The following RNF216 variants were observed in gnomAD, a reference collection of about 807,000 sequenced individuals.
RNF216 encodes E3 ubiquitin-protein ligase RNF216.
RNF216 carries 72 observed loss-of-function variants against 110.8 expected under a neutral mutation model. That is an observed-to-expected ratio of 0.65 (90% CI 0.54 to 0.79). The LOEUF (loss-of-function observed/expected upper bound fraction) is 0.79, where lower values mean the gene tolerates loss of function less well. Ranked by LOEUF, RNF216 falls within the 30% of genes least tolerant of loss-of-function variation. The pLI is 0.00. For synonymous variants in RNF216, 495 were observed against 407.5 expected (o/e 1.21, Z -2.59); for missense variants, 1,342 against 1,141.2 (o/e 1.18, Z -2.54).
chr7:5,714,033 C>T (rs934599977), intron 11 of RNF216, among the ~76,000 whole-genome samples: 6 of 152,190 alleles, frequency 3.9e-5, no homozygotes, highest in South Asian at 2.1e-4. Context: ...GACAGAGTCT[C>T]GCCCTGTCAC....
chr7:5,717,535 G>C (rs1584504112), intron 9 of RNF216, among the ~76,000 whole-genome samples: 2 of 152,130 alleles, frequency 1.3e-5, no homozygotes, highest in Admixed American at 1.3e-4. Context: ...ATGCAACTGG[G>C]CAGAAACAGG....
intron 1 of RNF216, among the ~76,000 whole-genome samples, chr7:5,765,952 C>CAAA (rs138328361): frequency 0.33 from 33,801 of 101,830 alleles, 6,305 homozygotes; most frequent in Non-Finnish European, 0.38. Context: ...GACTCTGTCT[C>CAAA]AAAAAAAAAA....
chr7:5,763,659 C>G (rs767769418), intron 1 of RNF216, among the ~76,000 whole-genome samples: 16 of 152,112 alleles, frequency 1.1e-4, no homozygotes, highest in Non-Finnish European at 2.1e-4. Context: ...CAGCCTTGAA[C>G]CCCTGGGCTC....
Position 5,623,042 on chromosome 7 carries a change from A to C in RNF216, c.2590T>G (p.Phe864Val). The C allele has an allele frequency of 1.2e-6, 2 of 1,613,976 alleles. No individual in the cohort carries two copies. Among genetic ancestry groups the C allele is most frequent in the Non-Finnish European group, 1.7e-6 (2 of 1,179,936 alleles). The change falls in exon 17 of 17, where the codon TTC becomes GTC. Residue 864 changes from phenylalanine to valine, a missense_variant. By Grantham distance (50) the Phe-to-Val change is conservative. Transcript: ENST00000389902. Reference sequence around the variant, plus strand: ...ACAGGCCGCACGGGAGGCAGGGGGAAGGGTGGGTGCGCGAAGGCATAGGGT... The same window carrying C: ...ACAGGCCGCACGGGAGGCAGGGGGACGGGTGGGTGCGCGAAGGCATAGGGT... ...MPPYAFAHPP[F>V]PLPPVRPVFN...
intron 7 of RNF216, among the ~76,000 whole-genome samples, chr7:5,728,573 CAA>C (rs534484429): frequency 7.8e-6 from 1 of 128,824 alleles, no homozygotes. Context: ...GACTCCGTCT[CAA>C]AAAAAAAAAG....
intron 14 of RNF216, among the ~76,000 whole-genome samples, chr7:5,648,996 T>C (rs1788219520): frequency 6.6e-6 from 1 of 152,178 alleles, no homozygotes. Context: ...TAAAGGTAAG[T>C]GCTATATAAG....
At position 5,721,027 on chromosome 7, in the gene RNF216, T is replaced by G. The variant is rs1037171224; in HGVS notation, c.1644+6A>C. The stretch of plus-strand genomic sequence containing the variant: ...CACACCCCAAGACCAGAGCACATCT[T>G]CCTACCTCTGCCATCTCTTTGATTT... On this transcript the variant is annotated splice_donor_region_variant and intron_variant, in intron 9 of 16. Coordinates refer to ENST00000389902, the MANE Select transcript of RNF216 (RefSeq NM_207111.4). The G allele has an allele frequency of 7.7e-5, 124 of 1,614,008 alleles. No individual in the cohort carries two copies. The highest frequency in any genetic ancestry group is 9.9e-5 in the Non-Finnish European group (117 of 1,179,984).
rs1163710982 is a variant in RNF216 at position 5,770,024 on chromosome 7, CAAAAAAAAAA to C, written c.-69-8896_-69-8887del. 3.1e-3 allele frequency among the ~76,000 whole-genome samples: 75 copies of C among 24,146 alleles called. 2 individuals carry two copies. The highest frequency in any genetic ancestry group is 4.4e-3 in the Non-Finnish European group (65 of 14,910). 15.8% of individuals were successfully genotyped at this position (24,146 alleles called of 152,430 possible). On this transcript the variant is annotated intron_variant, in intron 1 of 16. Coordinates refer to ENST00000389902, the MANE Select transcript of RNF216 (RefSeq NM_207111.4). ...CTGGCTGACAGAGTGAGACCCATCT[CAAAAAAAAAA>C]AAAAAAAAAAAAAAAAAAAGACTGA...
intron 15 of RNF216, among the ~76,000 whole-genome samples, chr7:5,632,188 C>G (rs549549146): frequency 1.9e-4 from 29 of 152,302 alleles, no homozygotes; most frequent in Admixed American, 1.7e-3. Flanking sequence ...TGCCATTTGC[C>G]CTGGCCAGTG....
intron 13 of RNF216, among the ~76,000 whole-genome samples, chr7:5,684,208 T>C (rs1373093020): frequency 6.7e-6 from 1 of 148,806 alleles, no homozygotes; most frequent in Non-Finnish European, 1.5e-5. Flanking sequence ...GTTCACGCCA[T>C]TCTCCCACCT....
At position 5,744,023 on chromosome 7, in the gene RNF216, G is replaced by A. The variant is rs1162081751; in HGVS notation, c.202-2208C>T. 4.6e-5 allele frequency among the ~76,000 whole-genome samples: 7 copies of A among 152,142 alleles called. No individual in the cohort carries two copies. The East Asian group carries it at 1.2e-3, about 25-fold the overall frequency. On this transcript the variant is annotated intron_variant, in intron 3 of 16. Coordinates refer to ENST00000389902, the MANE Select transcript of RNF216 (RefSeq NM_207111.4). ...ATAACTAGGCATACAAGAACTTAAT[G>A]CAGCAACAGAAAATCAAAACAAGAG...
chr7:5,668,500 G>C (rs564228453), intron 13 of RNF216, among the ~76,000 whole-genome samples: 8 of 152,132 alleles, frequency 5.3e-5, no homozygotes, highest in Non-Finnish European at 1.2e-4. Context: ...TGGGATTACA[G>C]ATGTGAGCCA....
chr7:5,776,066 C>G (rs866017343), intron 1 of RNF216, among the ~76,000 whole-genome samples: 1 of 152,056 alleles, frequency 6.6e-6, no homozygotes, highest in Non-Finnish European at 1.5e-5. Context: ...TAAGTCTGTA[C>G]TAATACAATT....
chr7:5,640,823 T>C (rs1217035621), intron 15 of RNF216, among the ~76,000 whole-genome samples: 3 of 152,218 alleles, frequency 2.0e-5, no homozygotes, highest in Admixed American at 6.5e-5. Flanking sequence ...GCTATCTCCG[T>C]CAGGCTTTGG....
intron 1 of RNF216, among the ~76,000 whole-genome samples, chr7:5,771,301 T>C (rs1796482542): frequency 6.6e-6 from 1 of 151,956 alleles, no homozygotes; most frequent in African/African-American, 2.4e-5. Flanking sequence ...GTAAAATAAG[T>C]TTCTAGAAGA....
chr7:5,776,980 G>C (rs563546608), intron 1 of RNF216, among the ~76,000 whole-genome samples: 4 of 151,632 alleles, frequency 2.6e-5, no homozygotes, highest in Non-Finnish European at 5.9e-5. Flanking sequence ...GAAAGTGAAA[G>C]AAAGGAAGAG....
intron 13 of RNF216, among the ~76,000 whole-genome samples, chr7:5,710,779 C>G (rs1327516663): frequency 1.3e-5 from 2 of 152,176 alleles, no homozygotes; most frequent in Non-Finnish European, 2.9e-5. Flanking sequence ...TCCTTATCTG[C>G]TGCATCTTAG....
chr7:5,643,896 G>C (rs1179288318), intron 14 of RNF216, among the ~76,000 whole-genome samples: 1 of 152,132 alleles, frequency 6.6e-6, no homozygotes, highest in Non-Finnish European at 1.5e-5. Flanking sequence ...GCCATTCTGA[G>C]GCTAGGCAAA....
intron 1 of RNF216, chr7:5,779,882 G>A (rs1796986968): frequency 6.6e-6 from 1 of 150,796 alleles, no homozygotes; most frequent in Non-Finnish European, 1.5e-5. Flanking sequence ...GGGCAGAGAG[G>A]AGCTGACGGG....
Sources: allele counts gnomAD v4.1 joint callset (sites outside exome capture counted in the v4.1 genomes callset), GRCh38; gene constraint gnomAD v4.1.1; transcripts MANE v1.5; gene names NCBI Gene and HGNC (gene_info 2026-07-23, HGNC 2026-07-21).